CHMP4B: variants seen among roughly 807,000 people sequenced by gnomAD.
CHMP4B encodes the protein charged multivesicular body protein 4B, also known as SNF7 homolog associated with Alix 1.
CHMP4B carries 1 observed loss-of-function variant against 25.1 expected under a neutral mutation model. The observed-to-expected ratio is 0.04, with a 90% CI of 0.01 to 0.19. CHMP4B has a LOEUF of 0.19. Among genes scored for constraint, CHMP4B ranks in the 10% least tolerant of loss-of-function variants. The probability of loss-of-function intolerance (pLI) is 1.00; values close to 1 mark genes in which losing one functional copy is unlikely to be tolerated. For synonymous variants in CHMP4B, 101 were observed against 115.6 expected, an observed-to-expected ratio of 0.87 and a Z score of 0.81; for missense variants, 151 against 289.7, an observed-to-expected ratio of 0.52 and a Z score of 3.48.
At chr20:33,821,068 A>G (rs1020395185) in intron 1 of CHMP4B, among the ~76,000 whole-genome samples, 7 of 152,194 alleles carry the variant, frequency 4.6e-5, no homozygotes, top group Non-Finnish European at 8.8e-5. Flanking sequence ...TGGATTCTCT[A>G]CTGTCTGCAT....
rs1913174152 is a variant in CHMP4B, at chr20:33,814,489, G to A, written c.190+2831G>A. ...GGATAAAGAAGACTTGGCAGAGGAA[G>A]GAGAACGTGAGGTGGGTCAGCAAGG... On this transcript the variant is annotated intron_variant, in intron 1 of 4. Transcript: ENST00000217402. Among the ~76,000 whole-genome samples, 4 of 152,176 alleles carry A rather than the reference G, an allele frequency of 2.6e-5. No individual in the cohort carries two copies. The South Asian group carries it at 8.3e-4, about 32-fold the overall frequency.
At chr20:33,845,059 G>A (rs1301335898) in intron 1 of CHMP4B, among the ~76,000 whole-genome samples, 4 of 151,906 alleles carry the variant, frequency 2.6e-5, no homozygotes, top group South Asian at 2.1e-4. Flanking sequence ...GCGCCCGGCC[G>A]AGTGTTTGCT....
chr20:33,851,976 A>G, intron 3 of CHMP4B, 101 bp from the exon 4 acceptor site: 1 of 1,499,034 alleles, frequency 6.7e-7, no homozygotes, highest in Non-Finnish European at 9.3e-7. Flanking sequence ...AGACCTTCTC[A>G]GAGGGGTGTG....
chr20:33,816,524 G>T (rs1978787076), intron 1 of CHMP4B, among the ~76,000 whole-genome samples: 1 of 151,926 alleles, frequency 6.6e-6, no homozygotes, highest in Admixed American at 6.6e-5. Flanking sequence ...GGTCTTTTTT[G>T]GTACCTTTCT....
chr20:33,823,459 C>T (rs141554675), intron 1 of CHMP4B, among the ~76,000 whole-genome samples: 7 of 152,232 alleles, frequency 4.6e-5, no homozygotes, highest in Middle Eastern at 3.4e-3. Flanking sequence ...GTAGCCTGGA[C>T]ATCCTGGGCT....
chr20:33,830,171 A>G (rs568465450), intron 1 of CHMP4B, among the ~76,000 whole-genome samples: 181 of 152,300 alleles, frequency 1.2e-3, no homozygotes, highest in African/African-American at 4.1e-3. Context: ...GTGAAGAGGA[A>G]GATGAAAGGA....
intron 1 of CHMP4B, among the ~76,000 whole-genome samples, chr20:33,834,954 C>G (rs999482806): frequency 3.9e-5 from 6 of 152,014 alleles, no homozygotes; most frequent in Non-Finnish European, 7.4e-5. Flanking sequence ...AGGCACACGC[C>G]ACCACGCCCA....
At chr20:33,829,201 G>C (rs1036203580) in intron 1 of CHMP4B, among the ~76,000 whole-genome samples, 2 of 152,300 alleles carry the variant, frequency 1.3e-5, no homozygotes, top group African/African-American at 4.8e-5. Flanking sequence ...GGAGAGAGGA[G>C]GGTGTGTGGT....
At chr20:33,813,490 T>C (rs543587908) in intron 1 of CHMP4B, among the ~76,000 whole-genome samples, 1 of 152,222 alleles carries the variant, frequency 6.6e-6, no homozygotes, top group Non-Finnish European at 1.5e-5. Flanking sequence ...GCTGCAGTGG[T>C]CCATTTGTGG....
At chr20:33,836,719 T>C (rs1253819995) in intron 1 of CHMP4B, among the ~76,000 whole-genome samples, 1 of 152,150 alleles carries the variant, frequency 6.6e-6, no homozygotes, top group Non-Finnish European at 1.5e-5. Context: ...CCCCAGACTC[T>C]CAGCTCTATC....
chr20:33,833,062 T>G (rs1979300718), intron 1 of CHMP4B, among the ~76,000 whole-genome samples: 1 of 152,158 alleles, frequency 6.6e-6, no homozygotes, highest in South Asian at 2.1e-4. Flanking sequence ...GTGCTGGGAT[T>G]GTAGGTGTGA....
chr20:33,852,557 C>T (rs897579360), intron 4 of CHMP4B, among the ~76,000 whole-genome samples: 1 of 152,182 alleles, frequency 6.6e-6, no homozygotes. Flanking sequence ...TAGCAACCGC[C>T]ATGAGTTATG....
chr20:33,840,272 C>G (rs1454095718), intron 1 of CHMP4B, among the ~76,000 whole-genome samples: 1 of 150,126 alleles, frequency 6.7e-6, no homozygotes, highest in Non-Finnish European at 1.5e-5. Flanking sequence ...GGGGACAGGA[C>G]AGGGACAAGA....
At chr20:33,839,287 G>T (rs545481111) in intron 1 of CHMP4B, among the ~76,000 whole-genome samples, 2 of 152,126 alleles carry the variant, frequency 1.3e-5, no homozygotes, top group African/African-American at 4.8e-5. Context: ...GTCAAGTTGG[G>T]CGTTATGGAG....
At chr20:33,834,488 T>A (rs180748736) in intron 1 of CHMP4B, among the ~76,000 whole-genome samples, 7 of 152,178 alleles carry the variant, frequency 4.6e-5, no homozygotes, top group South Asian at 2.1e-4. Context: ...TTGAAAAAAA[T>A]TTTTAATAGA....
intron 1 of CHMP4B, among the ~76,000 whole-genome samples, chr20:33,837,371 G>T (rs1979419942): frequency 6.6e-6 from 1 of 151,746 alleles, no homozygotes; most frequent in Non-Finnish European, 1.5e-5. Context: ...AAAAACAGAA[G>T]AACCTAGGAT....
chr20:33,845,580 C>T (rs1337690722), intron 1 of CHMP4B, among the ~76,000 whole-genome samples: 1 of 152,132 alleles, frequency 6.6e-6, no homozygotes, highest in Non-Finnish European at 1.5e-5. Flanking sequence ...ACCTCGGCCT[C>T]CCAAAGTGGT....
At chr20:33,836,206 A>T (rs2122801068) in intron 1 of CHMP4B, among the ~76,000 whole-genome samples, 1 of 152,230 alleles carries the variant, frequency 6.6e-6, no homozygotes, top group East Asian at 1.9e-4. Context: ...CATGGGTGTT[A>T]TTTACCCATT....
In CHMP4B at chr20:33,848,472, C is replaced by T; in HGVS notation, c.196C>T (p.Leu66Phe). 6.2e-7 allele frequency: 1 copy of T among 1,614,158 alleles called. No homozygotes were observed. The highest frequency in any genetic ancestry group is 2.2e-5 in the East Asian group (1 of 44,880). Residue 66 changes from leucine (L) to phenylalanine (F), a missense_variant, in exon 2 of 5, where the codon CTC becomes TTC. Leu to Phe is a conservative substitution (Grantham distance 22). Around this residue, in one of 3 missense-constraint regions of CHMP4B, gnomAD observed 82 missense variants for 208.3 expected, o/e 0.39. Transcript: ENST00000217402. ...KHGTKNKRAA[L>F]QALKRKKRYE... Reference sequence around the variant, plus strand: ...CTGTTTTCTCCCTCACGCAGCGGCCCTCCAGGCACTGAAGCGTAAGAAGAG... The same window carrying T: ...CTGTTTTCTCCCTCACGCAGCGGCCTTCCAGGCACTGAAGCGTAAGAAGAG...
Sources: gnomAD v4.1 joint callset for allele counts (sites outside exome capture counted in the v4.1 genomes callset) on GRCh38, gnomAD v4.1.1 for gene constraint, gnomAD v4.1.1 regional missense constraint, MANE v1.5 for transcripts, NCBI Gene and HGNC (gene_info 2026-07-23, HGNC 2026-07-21) for gene names.